The following POU6F2 variants were observed in gnomAD, a reference collection of about 807,000 sequenced individuals.
POU6F2 encodes the protein POU domain, class 6, transcription factor 2.
Under a neutral mutation model 71.3 loss-of-function variants are expected in POU6F2, and 31 were observed. That is an observed-to-expected ratio of 0.43 (90% confidence interval 0.33 to 0.59). The LOEUF (loss-of-function observed/expected upper bound fraction) is 0.59, where lower values mean the gene tolerates loss of function less well. Ranked by LOEUF, POU6F2 falls within the 20% of genes least tolerant of loss-of-function variation. The pLI is 0.04. For missense variants in POU6F2, 783 were observed against 856.8 expected, an observed-to-expected ratio of 0.91 and a Z score of 1.07; for synonymous variants, 347 against 355.7, an observed-to-expected ratio of 0.98 and a Z score of 0.27.
At chr7:39,032,866 G>T (rs899263759) in intron 1 of POU6F2, among the ~76,000 whole-genome samples, 2 of 152,160 alleles carry the variant, frequency 1.3e-5, no homozygotes, top group African/African-American at 4.8e-5. Flanking sequence ...TCCTAGGCTT[G>T]TTTTCTCGTG....
At chr7:39,160,895 T>C (rs1792980884) in intron 2 of POU6F2, among the ~76,000 whole-genome samples, 2 of 152,214 alleles carry the variant, frequency 1.3e-5, no homozygotes, top group Admixed American at 1.3e-4. Flanking sequence ...TGGGTGCCTC[T>C]TTCAGTGCCA....
chr7:39,056,819 T>G (rs754580521), intron 1 of POU6F2, among the ~76,000 whole-genome samples: 14 of 152,050 alleles, frequency 9.2e-5, no homozygotes, highest in Non-Finnish European at 5.9e-5. Context: ...CCAAGTCAAC[T>G]GAGATCAGCA....
At chr7:39,321,139 C>T (rs1176037205) in intron 4 of POU6F2, among the ~76,000 whole-genome samples, 4 of 152,144 alleles carry the variant, frequency 2.6e-5, no homozygotes, top group Non-Finnish European at 1.5e-5. Context: ...AATGTGGTCT[C>T]TCACTCCCTC....
chr7:39,331,163 T>C (rs1479067724), intron 4 of POU6F2, among the ~76,000 whole-genome samples: 1 of 152,262 alleles, frequency 6.6e-6, no homozygotes, highest in Non-Finnish European at 1.5e-5. Context: ...CCACATTTTC[T>C]TTATCCATTC....
rs1015831397 is a variant in POU6F2, at chr7:39,423,221, G to A, written c.1114-9856G>A. On this transcript the variant is annotated intron_variant, in intron 6 of 9. Transcript: ENST00000518318. Reference sequence around the variant, plus strand: ...CCTATTGAACTCTTGTCAACAGTGTGGGTTTCAGTTTTATGTAAATTGCTG... The same window carrying A: ...CCTATTGAACTCTTGTCAACAGTGTAGGTTTCAGTTTTATGTAAATTGCTG... Among the ~76,000 whole-genome samples the A allele has an allele frequency of 2.6e-5, 4 of 152,160 alleles. No homozygotes were observed. The East Asian group carries it at 5.8e-4, about 22-fold the overall frequency.
At chr7:39,168,536 A>G (rs1793157627) in intron 2 of POU6F2, among the ~76,000 whole-genome samples, 1 of 152,214 alleles carries the variant, frequency 6.6e-6, no homozygotes. Context: ...GTTAAGCAAT[A>G]CAGATTTGTT....
intron 5 of POU6F2, among the ~76,000 whole-genome samples, chr7:39,353,001 G>A (rs1786168534): frequency 6.6e-6 from 1 of 152,120 alleles, no homozygotes; most frequent in Non-Finnish European, 1.5e-5. Flanking sequence ...GTGAGAACAT[G>A]GAATATAAAA....
chr7:39,066,567 C>T (rs941263047), intron 1 of POU6F2, among the ~76,000 whole-genome samples: 5 of 151,492 alleles, frequency 3.3e-5, no homozygotes, highest in Non-Finnish European at 7.4e-5. Context: ...ATAAACAACA[C>T]ATAAAATATT....
chr7:39,033,275 G>C (rs907960550), intron 1 of POU6F2, among the ~76,000 whole-genome samples: 1 of 152,190 alleles, frequency 6.6e-6, no homozygotes, highest in South Asian at 2.1e-4. Flanking sequence ...ATATATGTGC[G>C]TTGGGCTATA....
At chr7:39,147,022 T>C (rs1250464107) in intron 2 of POU6F2, among the ~76,000 whole-genome samples, 2 of 152,222 alleles carry the variant, frequency 1.3e-5, no homozygotes, top group Non-Finnish European at 2.9e-5. Flanking sequence ...CATTTCCATA[T>C]ATTTCTATGT....
intron 2 of POU6F2, among the ~76,000 whole-genome samples, chr7:39,158,440 G>A (rs891268201): frequency 1.3e-5 from 2 of 152,108 alleles, no homozygotes; most frequent in African/African-American, 2.4e-5. Flanking sequence ...GACATATGTG[G>A]GTGTATTTAT....
chr7:39,221,927 C>G (rs1794371035), intron 4 of POU6F2, among the ~76,000 whole-genome samples: 1 of 152,058 alleles, frequency 6.6e-6, no homozygotes, highest in African/African-American at 2.4e-5. Context: ...TTAAAATGCT[C>G]CTTAAGAATT....
At chr7:39,451,750 C>T in intron 8 of POU6F2, 49 bp downstream of exon 8, 1 of 1,500,108 alleles carries the variant, frequency 6.7e-7, no homozygotes, top group Non-Finnish European at 9.1e-7. Flanking sequence ...CTTCTTGTTG[C>T]CTATTTGCAA....
At chr7:39,128,594 T>A (rs80109543) in intron 2 of POU6F2, among the ~76,000 whole-genome samples, 112 of 152,380 alleles carry the variant, frequency 7.4e-4, no homozygotes, top group African/African-American at 2.5e-3. Context: ...AATTCTAGTC[T>A]ACTGTCAGTC....
In POU6F2 at chr7:39,460,573, G is replaced by A. The variant is rs1425366376; in HGVS notation, c.1516G>A (p.Asp506Asn). The change falls in exon 9 of 10, where the codon GAT becomes AAT. Residue 506 changes from aspartate to asparagine, a missense_variant. Physicochemically the swap from Asp to Asn is conservative, Grantham distance 23. Around this residue, in one of 2 missense-constraint regions of POU6F2, gnomAD observed 211 missense variants for 283.9 expected, o/e 0.74. Transcript: ENST00000518318. This position sits in a 1 kb window ranked among gnomAD's most constrained non-coding sequence, Gnocchi z 4.4. ...TCCTCAAACGGCAGCGGGTGAGGTG[G>A]ATGGGGTTAATCTGGAGGAGATCCG... Reference protein sequence around the residue: ...SNPQTAAGEVDGVNLEEIREF... With the variant: ...SNPQTAAGEVNGVNLEEIREF... 2 of 1,613,688 alleles carry A rather than the reference G, an allele frequency of 1.2e-6. No homozygotes were observed. Among genetic ancestry groups the A allele is most frequent in the Non-Finnish European group, 1.7e-6 (2 of 1,179,782 alleles).
At chr7:39,027,959 G>A (rs1324462700) in intron 1 of POU6F2, among the ~76,000 whole-genome samples, 1 of 152,056 alleles carries the variant, frequency 6.6e-6, no homozygotes, top group Non-Finnish European at 1.5e-5. Flanking sequence ...TTCCTACAAT[G>A]CAATATTTAG....
At chr7:39,086,331 C>A (rs192178257) in intron 2 of POU6F2, among the ~76,000 whole-genome samples, 17 of 152,228 alleles carry the variant, frequency 1.1e-4, no homozygotes, top group African/African-American at 3.9e-4. Context: ...ATCAGGAAAT[C>A]GGTTCCATTG....
intron 4 of POU6F2, among the ~76,000 whole-genome samples, chr7:39,319,655 C>T (rs1272917831): frequency 6.6e-6 from 1 of 152,218 alleles, no homozygotes; most frequent in Non-Finnish European, 1.5e-5. Context: ...ACAATCTCTC[C>T]ATAGCCTCCC....
chr7:39,444,738 A>G (rs1421768473), intron 7 of POU6F2, among the ~76,000 whole-genome samples: 1 of 152,034 alleles, frequency 6.6e-6, no homozygotes, highest in Non-Finnish European at 1.5e-5. Flanking sequence ...TATGGTGAAC[A>G]CCTCCCAAAG....
Sources: gnomAD v4.1 joint callset for allele counts (sites outside exome capture counted in the v4.1 genomes callset) on GRCh38, gnomAD v4.1.1 for gene constraint, gnomAD v4.1.1 regional missense constraint, Gnocchi (gnomAD v3.1) non-coding constraint, MANE v1.5 for transcripts, NCBI Gene and HGNC (gene_info 2026-07-23, HGNC 2026-07-21) for gene names.